Variants in VWC2L observed in about 807,000 individuals in gnomAD.
The protein encoded by VWC2L is von Willebrand factor C domain-containing protein 2-like.
Under a neutral mutation model 21.6 loss-of-function variants are expected in VWC2L, and 10 were observed. That is an observed-to-expected ratio of 0.46 (90% confidence interval 0.29 to 0.78). The LOEUF (loss-of-function observed/expected upper bound fraction) is 0.78, where lower values mean the gene tolerates loss of function less well. Ranked by LOEUF, VWC2L falls within the 30% of genes least tolerant of loss-of-function variation. VWC2L has a pLI of 0.10. For missense variants in VWC2L, 209 were observed against 277.1 expected (o/e 0.75, Z 1.74); for synonymous variants, 96 against 94.3 (o/e 1.02, Z -0.10).
Position 214,450,518 on chromosome 2 carries a change from C to T in VWC2L, c.520+13760C>T, listed in dbSNP as rs1702938110. On this transcript the variant is annotated intron_variant, in intron 3 of 3. Coordinates refer to ENST00000312504, the MANE Select transcript of VWC2L (RefSeq NM_001080500.4). Reference sequence around the variant, plus strand: ...GAGTTGAAACATCAGGTATTAAACACATCAGTTTAGTTACATATATTTTCC... The same window carrying T: ...GAGTTGAAACATCAGGTATTAAACATATCAGTTTAGTTACATATATTTTCC... 2.0e-5 allele frequency among the ~76,000 whole-genome samples: 3 copies of T among 152,156 alleles called. 1 individual carries two copies. In the South Asian group the frequency reaches 6.2e-4, roughly 32 times the overall value.
chr2:214,539,128 G>A (rs920594289), intron 3 of VWC2L, among the ~76,000 whole-genome samples: 2 of 152,074 alleles, frequency 1.3e-5, no homozygotes, highest in Non-Finnish European at 2.9e-5. Context: ...CTCCTCGGAT[G>A]CCACACTGCC....
At chr2:214,461,160 A>C (rs1703135039) in intron 3 of VWC2L, among the ~76,000 whole-genome samples, 1 of 152,172 alleles carries the variant, frequency 6.6e-6, no homozygotes, top group Admixed American at 6.6e-5. Flanking sequence ...CAGTGGGACA[A>C]ATGTTCCTGT....
At chr2:214,421,796 G>A (rs760015215) in intron 2 of VWC2L, among the ~76,000 whole-genome samples, 1 of 146,750 alleles carries the variant, frequency 6.8e-6, no homozygotes, top group Non-Finnish European at 1.5e-5. Context: ...AAAAAAAATT[G>A]CCTATTTTTA....
chr2:214,560,774 T>C (rs987265664), intron 3 of VWC2L, among the ~76,000 whole-genome samples: 13 of 151,226 alleles, frequency 8.6e-5, no homozygotes, highest in Non-Finnish European at 1.0e-4. Context: ...GTTTCACACA[T>C]GTCTCCTTCA....
At chr2:214,550,961 T>C (rs943694823) in intron 3 of VWC2L, among the ~76,000 whole-genome samples, 9 of 152,198 alleles carry the variant, frequency 5.9e-5, no homozygotes, top group South Asian at 2.1e-4. Context: ...TCCATCTTTC[T>C]GGGCCTCTAG....
chr2:214,441,878 CTT>C (rs899638969), intron 3 of VWC2L, among the ~76,000 whole-genome samples: 10 of 149,936 alleles, frequency 6.7e-5, no homozygotes, highest in African/African-American at 2.4e-4. Context: ...AAATATGTAT[CTT>C]ATAATAAAAT....
intron 3 of VWC2L, among the ~76,000 whole-genome samples, chr2:214,459,744 T>C (rs1218319817): frequency 2.0e-5 from 3 of 152,118 alleles, no homozygotes; most frequent in Non-Finnish European, 2.9e-5. Flanking sequence ...GGATTCTTCA[T>C]TGCTAGTTTT....
chr2:214,475,153 T>C (rs1232492443), intron 3 of VWC2L, among the ~76,000 whole-genome samples: 1 of 152,176 alleles, frequency 6.6e-6, no homozygotes, highest in East Asian at 1.9e-4. Flanking sequence ...AATTCTTTGT[T>C]GTACCTCAAC....
At chr2:214,552,364 A>T (rs1689807166) in intron 3 of VWC2L, among the ~76,000 whole-genome samples, 1 of 152,134 alleles carries the variant, frequency 6.6e-6, no homozygotes, top group Non-Finnish European at 1.5e-5. Context: ...AGCCTTCCTG[A>T]CTGTGTAATC....
At chr2:214,502,387 T>C (rs1688906154) in intron 3 of VWC2L, among the ~76,000 whole-genome samples, 1 of 152,214 alleles carries the variant, frequency 6.6e-6, no homozygotes, top group African/African-American at 2.4e-5. Flanking sequence ...CTAGCCAATA[T>C]GGTGAAACCC....
chr2:214,435,620 GCA>G (rs2126178336), intron 2 of VWC2L, among the ~76,000 whole-genome samples: 1 of 152,240 alleles, frequency 6.6e-6, no homozygotes, highest in South Asian at 2.1e-4. Context: ...GCTTTAATTA[GCA>G]CAGTTTGCAG....
chr2:214,567,050 C>T (rs1224877929), intron 3 of VWC2L, among the ~76,000 whole-genome samples: 2 of 152,158 alleles, frequency 1.3e-5, no homozygotes, highest in Admixed American at 1.3e-4. Context: ...TATGGCTTTA[C>T]ACAATAGGAA....
At chr2:214,415,517 T>C (rs1253770556) in intron 2 of VWC2L, among the ~76,000 whole-genome samples, 1 of 152,120 alleles carries the variant, frequency 6.6e-6, no homozygotes, top group Non-Finnish European at 1.5e-5. Flanking sequence ...CAGATATAGC[T>C]AGTTTTCAGT....
chr2:214,498,442 G>T (rs1402130988), intron 3 of VWC2L, among the ~76,000 whole-genome samples: 1 of 151,944 alleles, frequency 6.6e-6, no homozygotes, highest in Non-Finnish European at 1.5e-5. Context: ...AAAAGTCACG[G>T]TCTCTGAAGC....
At chr2:214,456,471 C>G (rs761089636) in intron 3 of VWC2L, among the ~76,000 whole-genome samples, 2 of 151,990 alleles carry the variant, frequency 1.3e-5, no homozygotes, top group Non-Finnish European at 2.9e-5. Flanking sequence ...GGACATTACG[C>G]CTTTGTCAGA....
At chr2:214,437,566 T>C (rs1282368396) in intron 3 of VWC2L, among the ~76,000 whole-genome samples, 1 of 152,178 alleles carries the variant, frequency 6.6e-6, no homozygotes, top group Non-Finnish European at 1.5e-5. Context: ...ACAAATGTTC[T>C]GTCATTAATA....
intron 2 of VWC2L, among the ~76,000 whole-genome samples, chr2:214,427,251 C>G (rs575542582): frequency 3.3e-5 from 5 of 152,072 alleles, no homozygotes; most frequent in African/African-American, 1.2e-4. Flanking sequence ...TAATTTTCCC[C>G]CAACATTAAA....
intron 3 of VWC2L, among the ~76,000 whole-genome samples, chr2:214,516,414 G>A (rs1160487532): frequency 6.6e-6 from 1 of 152,030 alleles, no homozygotes; most frequent in African/African-American, 2.4e-5. Flanking sequence ...TGAATCTTGT[G>A]AATCAACTGT....
At chr2:214,416,726 G>C (rs1203443510) in intron 2 of VWC2L, among the ~76,000 whole-genome samples, 5 of 151,980 alleles carry the variant, frequency 3.3e-5, no homozygotes, top group Non-Finnish European at 7.4e-5. Flanking sequence ...TTTTTGAATG[G>C]AGTTCTTAAA....
Sources: allele counts gnomAD v4.1 joint callset (sites outside exome capture counted in the v4.1 genomes callset), GRCh38; gene constraint gnomAD v4.1.1; transcripts MANE v1.5; gene names NCBI Gene and HGNC (gene_info 2026-07-23, HGNC 2026-07-21).